MACROD2: variants seen among roughly 807,000 people sequenced by gnomAD.
The protein encoded by MACROD2 is ADP-ribose glycohydrolase MACROD2.
In MACROD2, 36 loss-of-function variants were observed where a neutral mutation model predicts 70.4. The observed-to-expected ratio is 0.51, with a 90% CI of 0.39 to 0.68. The LOEUF (loss-of-function observed/expected upper bound fraction) is 0.68. Among genes scored for constraint, MACROD2 ranks in the 30% least tolerant of loss-of-function variants. The probability of loss-of-function intolerance (pLI) is 0.00; values close to 1 mark genes in which losing one functional copy is unlikely to be tolerated. For synonymous variants in MACROD2, 172 were observed against 178.8 expected, an observed-to-expected ratio of 0.96 and a Z score of 0.30; for missense variants, 496 against 538.4, an observed-to-expected ratio of 0.92 and a Z score of 0.78.
chr20:15,491,291 A>T (rs1442152893), intron 7 of MACROD2, among the ~76,000 whole-genome samples: 1 of 152,150 alleles, frequency 6.6e-6, no homozygotes, highest in East Asian at 1.9e-4. Flanking sequence ...TAGCTATTTT[A>T]TAGAACATTT....
intron 3 of MACROD2, among the ~76,000 whole-genome samples, chr20:14,148,563 A>G (rs552709772): frequency 1.2e-4 from 19 of 152,278 alleles, no homozygotes; most frequent in African/African-American, 3.9e-4. Flanking sequence ...TACAGTTTCT[A>G]TACAGTCAAG....
At chr20:14,406,100 T>C (rs1007822358) in intron 3 of MACROD2, among the ~76,000 whole-genome samples, 1 of 152,156 alleles carries the variant, frequency 6.6e-6, no homozygotes, top group Non-Finnish European at 1.5e-5. Flanking sequence ...GAGGATACTT[T>C]CTTTTATATA....
At position 15,494,776 on chromosome 20, in the gene MACROD2, T is replaced by TGTGTGCGC. The variant is rs368522802; in HGVS notation, c.572-4997_572-4996insTGTGCGCG. Among the ~76,000 whole-genome samples, 522 of 131,966 alleles carry TGTGTGCGC rather than the reference T, an allele frequency of 4.0e-3. 4 individuals carry two copies. Among genetic ancestry groups the TGTGTGCGC allele is most frequent in the African/African-American group, 0.014 (495 of 36,098 alleles). 86.6% of individuals were successfully genotyped at this position (131,966 alleles called of 152,430 possible). A position where few individuals can be genotyped will look rare whatever the true frequency, so the allele number is the denominator to read the frequency against. The stretch of plus-strand genomic sequence containing the variant: ...GTGTGTGTGTGTGCGCGTGTGTGTG[T>TGTGTGCGC]GCGCGCGTGTGTGCAGTATATAAAA... On this transcript the variant is annotated intron_variant, in intron 7 of 17. Transcript: ENST00000684519.
chr20:15,452,420 C>A (rs1035109057), intron 7 of MACROD2, among the ~76,000 whole-genome samples: 1 of 152,094 alleles, frequency 6.6e-6, no homozygotes, highest in Non-Finnish European at 1.5e-5. Context: ...TGTTTCCCTG[C>A]CTGCCAGTAG....
chr20:15,666,920 T>G (rs1389285038), intron 8 of MACROD2, among the ~76,000 whole-genome samples: 1 of 152,138 alleles, frequency 6.6e-6, no homozygotes, highest in East Asian at 1.9e-4. Context: ...TTAAGAAAAA[T>G]TGAAGAAATA....
At chr20:14,880,481 G>A (rs574547278) in intron 5 of MACROD2, among the ~76,000 whole-genome samples, 5 of 152,272 alleles carry the variant, frequency 3.3e-5, no homozygotes, top group South Asian at 4.1e-4. Context: ...AAGAGCCCAC[G>A]TAATAAATCC....
intron 10 of MACROD2, among the ~76,000 whole-genome samples, chr20:15,905,615 C>A (rs2065135603): frequency 6.6e-6 from 1 of 152,166 alleles, no homozygotes. Context: ...ATATTAGGTA[C>A]TAATTTTTCA....
chr20:14,925,016 A>AT (rs113262056), intron 5 of MACROD2, among the ~76,000 whole-genome samples: 23,361 of 148,716 alleles, frequency 0.16, 1,939 homozygotes, highest in Non-Finnish European at 0.19. Flanking sequence ...TATTGGCACA[A>AT]TTTTTTTTTT....
chr20:16,023,704 G>C (rs1449179785), intron 15 of MACROD2, among the ~76,000 whole-genome samples: 1 of 152,112 alleles, frequency 6.6e-6, no homozygotes, highest in Non-Finnish European at 1.5e-5. Context: ...CCTCTGTGAA[G>C]CATTCTGTAG....
At chr20:15,052,495 A>T (rs1319802955) in intron 5 of MACROD2, among the ~76,000 whole-genome samples, 1 of 152,172 alleles carries the variant, frequency 6.6e-6, no homozygotes, top group Non-Finnish European at 1.5e-5. Context: ...TATCTATTTT[A>T]TAGTGATCCG....
chr20:14,830,804 C>T (rs1234862684), intron 5 of MACROD2, among the ~76,000 whole-genome samples: 2 of 152,112 alleles, frequency 1.3e-5, no homozygotes, highest in Non-Finnish European at 2.9e-5. Flanking sequence ...CAATAATTTA[C>T]CATAATTGAA....
chr20:15,608,190 A>G (rs1600661839), intron 8 of MACROD2, among the ~76,000 whole-genome samples: 1 of 152,330 alleles, frequency 6.6e-6, no homozygotes, highest in East Asian at 1.9e-4. Context: ...AATTTGTGAT[A>G]ACGTCCTGTA....
intron 6 of MACROD2, among the ~76,000 whole-genome samples, chr20:15,416,721 G>A (rs752436078): frequency 6.6e-6 from 1 of 151,974 alleles, no homozygotes; most frequent in Non-Finnish European, 1.5e-5. Flanking sequence ...TGGCTAACAT[G>A]GTGATACCCC....
chr20:15,591,035 A>T (rs1015748686), intron 8 of MACROD2, among the ~76,000 whole-genome samples: 1 of 152,124 alleles, frequency 6.6e-6, no homozygotes, highest in African/African-American at 2.4e-5. Context: ...AAGAAAGAAA[A>T]GATTTGTAAC....
intron 5 of MACROD2, among the ~76,000 whole-genome samples, chr20:14,724,643 A>C (rs2071507255): frequency 6.6e-6 from 1 of 152,178 alleles, no homozygotes; most frequent in Non-Finnish European, 1.5e-5. Context: ...AAGCAAAGGA[A>C]ACACATATGG....
chr20:14,981,131 A>G (rs2074794744), intron 5 of MACROD2, among the ~76,000 whole-genome samples: 1 of 151,896 alleles, frequency 6.6e-6, no homozygotes, highest in Non-Finnish European at 1.5e-5. Flanking sequence ...AGCTTTTAGG[A>G]AAAAAACAAG....
chr20:14,954,720 A>ATATATAAATATATAAATATATAAAT, intron 5 of MACROD2, among the ~76,000 whole-genome samples: 1 of 32,330 alleles, frequency 3.1e-5, no homozygotes, highest in Admixed American at 5.3e-4. Context: ...AAATATATAA[A>ATATATAAATATATAAATATATAAAT]TGTATAAATA....
intron 3 of MACROD2, among the ~76,000 whole-genome samples, chr20:14,103,427 G>A (rs1287548626): frequency 6.6e-6 from 1 of 152,136 alleles, no homozygotes; most frequent in Non-Finnish European, 1.5e-5. Flanking sequence ...GAATTCTTCA[G>A]TGCACTTAGG....
At chr20:15,500,194 T>C (rs1296966378) in intron 8 of MACROD2, among the ~76,000 whole-genome samples, 2 of 152,184 alleles carry the variant, frequency 1.3e-5, no homozygotes, top group Non-Finnish European at 2.9e-5. Context: ...AAAGCTAAGT[T>C]ATCTTTGTTG....
Sources: allele counts gnomAD v4.1 joint callset (sites outside exome capture counted in the v4.1 genomes callset), GRCh38; gene constraint gnomAD v4.1.1; transcripts MANE v1.5; gene names NCBI Gene and HGNC (gene_info 2026-07-23, HGNC 2026-07-21).